Variants in PIK3AP1 observed in about 807,000 individuals in gnomAD.
PIK3AP1 encodes the protein phosphoinositide-3-kinase adaptor protein 1.
A neutral mutation model predicts 88.1 loss-of-function variants in PIK3AP1; 21 were observed. That is an observed-to-expected ratio of 0.24 (90% CI 0.17 to 0.34). The LOEUF is 0.34. Among genes scored for constraint, PIK3AP1 ranks in the 10% least tolerant of loss-of-function variants. The pLI is 1.00. For synonymous variants in PIK3AP1, 398 were observed against 400.0 expected, an observed-to-expected ratio of 1.00 and a Z score of 0.06; for missense variants, 828 against 1,035.7, an observed-to-expected ratio of 0.80 and a Z score of 2.75.
intron 8 of PIK3AP1, among the ~76,000 whole-genome samples, chr10:96,643,468 G>A (rs79072842): frequency 0.011 from 1,719 of 152,270 alleles, 42 homozygotes; most frequent in African/African-American, 0.04. Context: ...TCAAGGGTGT[G>A]GATGGTAGCG....
intron 8 of PIK3AP1, among the ~76,000 whole-genome samples, chr10:96,630,844 AAAAAG>A (rs1843235349): frequency 6.6e-6 from 1 of 152,258 alleles, no homozygotes; most frequent in African/African-American, 2.4e-5. Context: ...CCTGTCTCAA[AAAAAG>A]AAAAGAAAGA....
chr10:96,714,098 C>T (rs1844472437), intron 1 of PIK3AP1, among the ~76,000 whole-genome samples: 3 of 150,890 alleles, frequency 2.0e-5, no homozygotes, highest in East Asian at 2.0e-4. Flanking sequence ...CACTTGAACC[C>T]GGGAGGCGGA....
At chr10:96,602,501 G>T in intron 15 of PIK3AP1, 103 bp from the exon 16 acceptor site, 1 of 966,184 alleles carries the variant, frequency 1.0e-6, no homozygotes, top group Non-Finnish European at 1.6e-6. Context: ...TTAGGCTGGG[G>T]CTGAAGGTTG....
chr10:96,704,709 A>T (rs575147088), intron 2 of PIK3AP1, among the ~76,000 whole-genome samples: 1 of 151,400 alleles, frequency 6.6e-6, no homozygotes, highest in Non-Finnish European at 1.5e-5. Context: ...ACAGAGCGAG[A>T]CTCTATCTCA....
chr10:96,635,349 G>C (rs1383674017), intron 8 of PIK3AP1, among the ~76,000 whole-genome samples: 4 of 152,248 alleles, frequency 2.6e-5, no homozygotes, highest in Non-Finnish European at 2.9e-5. Context: ...GCCTTGTTCT[G>C]ATATAGACAT....
At chr10:96,689,075 A>T (rs1308529115) in intron 2 of PIK3AP1, among the ~76,000 whole-genome samples, 1 of 152,154 alleles carries the variant, frequency 6.6e-6, no homozygotes, top group Non-Finnish European at 1.5e-5. Context: ...CTCTTACCAC[A>T]TCCTGATGTT....
At chr10:96,683,313 G>A (rs1305467474) in intron 2 of PIK3AP1, among the ~76,000 whole-genome samples, 2 of 152,280 alleles carry the variant, frequency 1.3e-5, no homozygotes, top group Non-Finnish European at 2.9e-5. Context: ...TGTAAGGAGA[G>A]TACGCCACAG....
chr10:96,688,526 C>T (rs1445125889), intron 2 of PIK3AP1, among the ~76,000 whole-genome samples: 6 of 152,150 alleles, frequency 3.9e-5, no homozygotes, highest in South Asian at 2.1e-4. Context: ...AGGCTGGGCG[C>T]GGTGGCTCAC....
In PIK3AP1 at chr10:96,720,058, C is replaced by G. The variant is rs1362210321; in HGVS notation, c.13+324G>C. ...GCCCTCCGCTTCTCTCAACTCGCCT[C>G]TCGCTTCAGAGTCGGAGGGACAGGG... On this transcript the variant is annotated intron_variant, in intron 1 of 16. Transcript: ENST00000339364. This position sits in a 1 kb window ranked among gnomAD's most constrained non-coding sequence, Gnocchi z 4.6. 6.6e-6 allele frequency among the ~76,000 whole-genome samples: 1 copy of G among 152,186 alleles called. No homozygotes were observed. The highest frequency in any genetic ancestry group is 1.5e-5 in the Non-Finnish European group (1 of 68,032).
At chr10:96,645,170 C>T (rs1023554195) in intron 8 of PIK3AP1, among the ~76,000 whole-genome samples, 7 of 152,228 alleles carry the variant, frequency 4.6e-5, no homozygotes, top group African/African-American at 1.7e-4. Flanking sequence ...AAAAAGGACC[C>T]CTGGAGACTG....
intron 2 of PIK3AP1, among the ~76,000 whole-genome samples, chr10:96,708,375 G>A (rs1844391692): frequency 6.6e-6 from 1 of 151,998 alleles, no homozygotes; most frequent in African/African-American, 2.4e-5. Context: ...AGGAGTTTGA[G>A]ACCAGCCTGA....
chr10:96,683,671 G>A lies in PIK3AP1; in HGVS notation c.430+25896C>T, dbSNP rs552770828. On this transcript the variant is annotated intron_variant, in intron 2 of 16. Transcript: ENST00000339364. ...CATTTTATTCTATGTATTTACAGCC[G>A]AACTATGATGTAGTGATAGTCCATT... Among the ~76,000 whole-genome samples, 17 of 152,206 alleles carry A rather than the reference G, an allele frequency of 1.1e-4. 1 individual carries two copies. Among genetic ancestry groups the A allele is most frequent in the Admixed American group, 3.9e-4 (6 of 15,280 alleles).
intron 2 of PIK3AP1, among the ~76,000 whole-genome samples, chr10:96,697,220 C>T (rs886823291): frequency 8.5e-5 from 13 of 152,164 alleles, no homozygotes; most frequent in African/African-American, 1.4e-4. Flanking sequence ...TAGCCCACCC[C>T]GAGTGAGTGA....
At chr10:96,712,578 C>G (rs1391143053) in intron 1 of PIK3AP1, among the ~76,000 whole-genome samples, 1 of 152,122 alleles carries the variant, frequency 6.6e-6, no homozygotes, top group Non-Finnish European at 1.5e-5. Context: ...ATTGGCAAAG[C>G]TACATAACTA....
intron 2 of PIK3AP1, among the ~76,000 whole-genome samples, chr10:96,669,899 A>C (rs1241718551): frequency 1.3e-5 from 2 of 152,256 alleles, no homozygotes; most frequent in East Asian, 3.9e-4. Context: ...AAGTGGGACC[A>C]GGTGCGGTAG....
At chr10:96,715,134 C>T (rs1469017835) in intron 1 of PIK3AP1, among the ~76,000 whole-genome samples, 3 of 152,110 alleles carry the variant, frequency 2.0e-5, no homozygotes, top group East Asian at 1.9e-4. Flanking sequence ...TACCATGGGC[C>T]GAGACTGGCA....
At chr10:96,620,026 A>G (rs962907292) in intron 12 of PIK3AP1, among the ~76,000 whole-genome samples, 1 of 152,224 alleles carries the variant, frequency 6.6e-6, no homozygotes, top group African/African-American at 2.4e-5. Flanking sequence ...AGAGACTCTG[A>G]AAAGAAAAAA....
chr10:96,614,695 A>T (rs543841818), intron 13 of PIK3AP1, among the ~76,000 whole-genome samples: 1 of 152,340 alleles, frequency 6.6e-6, no homozygotes, highest in African/African-American at 2.4e-5. Context: ...CAGATGGTGA[A>T]GCTAGTGTCT....
chr10:96,637,730 G>A (rs765539616), intron 8 of PIK3AP1, among the ~76,000 whole-genome samples: 3 of 152,062 alleles, frequency 2.0e-5, no homozygotes, highest in South Asian at 2.1e-4. Flanking sequence ...AGGAGCATGC[G>A]AGTAGAAAAG....
Sources: allele counts gnomAD v4.1 joint callset (sites outside exome capture counted in the v4.1 genomes callset), GRCh38; gene constraint gnomAD v4.1.1; non-coding constraint Gnocchi (gnomAD v3.1); transcripts MANE v1.5; gene names NCBI Gene and HGNC (gene_info 2026-07-23, HGNC 2026-07-21).